HYAL4: variants seen among roughly 807,000 people sequenced by gnomAD.
HYAL4 encodes hyaluronidase-4.
A neutral mutation model predicts 35.2 loss-of-function variants in HYAL4; 37 were observed. The observed-to-expected ratio is 1.05, with a 90% CI of 0.81 to 1.38. HYAL4 has a LOEUF of 1.38. Among genes scored for constraint, HYAL4 ranks in the 40% most tolerant of loss-of-function variants. The probability of loss-of-function intolerance (pLI) is 0.00; values close to 1 mark genes in which losing one functional copy is unlikely to be tolerated. For missense variants in HYAL4, 572 were observed against 572.4 expected (o/e 1.00, Z 0.01); for synonymous variants, 198 against 203.2 (o/e 0.97, Z 0.22).
chr7:123,873,692 A>G (rs188127018), intron 3 of HYAL4, among the ~76,000 whole-genome samples: 1 of 152,360 alleles, frequency 6.6e-6, no homozygotes, highest in East Asian at 1.9e-4. Context: ...CCAACTACAT[A>G]CATTCAAATC....
At chr7:123,790,539 C>T in the HYAL4 span, 1 of 149,102 alleles carries the variant, frequency 6.7e-6, no homozygotes, top group African/African-American at 2.5e-5. Flanking sequence ...TGCAAAGTAC[C>T]TTTATGGATA....
At chr7:123,834,156 T>C (rs1233546473) in intron 1 of HYAL4, among the ~76,000 whole-genome samples, 3 of 152,138 alleles carry the variant, frequency 2.0e-5, no homozygotes, top group African/African-American at 4.8e-5. Flanking sequence ...TTGCATTGAA[T>C]TTGTAGATTG....
intron 1 of HYAL4, among the ~76,000 whole-genome samples, chr7:123,832,229 T>G (rs1282544257): frequency 6.6e-6 from 1 of 152,128 alleles, no homozygotes; most frequent in Non-Finnish European, 1.5e-5. Context: ...GAATTTCTCT[T>G]TCTAATGGAA....
the HYAL4 span, among the ~76,000 whole-genome samples, chr7:123,770,216 G>A: frequency 2.0e-5 from 3 of 152,050 alleles, no homozygotes; most frequent in South Asian, 4.2e-4. Flanking sequence ...TTGGGAGGCC[G>A]AGACAGGCGG....
the HYAL4 span, among the ~76,000 whole-genome samples, chr7:123,818,669 A>G: frequency 6.6e-6 from 1 of 152,210 alleles, no homozygotes; most frequent in East Asian, 1.9e-4. Flanking sequence ...TGCCTGGAAC[A>G]TTGTAAATAT....
At chr7:123,772,709 C>T in the HYAL4 span, among the ~76,000 whole-genome samples, 1 of 152,096 alleles carries the variant, frequency 6.6e-6, no homozygotes, top group East Asian at 1.9e-4. Context: ...GTAAATGAAA[C>T]CTGTGGAAAG....
chr7:123,774,918 A>G, the HYAL4 span, among the ~76,000 whole-genome samples: 2 of 152,184 alleles, frequency 1.3e-5, no homozygotes, highest in Non-Finnish European at 1.5e-5. Flanking sequence ...TGGGTTAGGT[A>G]TCTCTTCTAT....
chr7:123,765,942 T>C, the HYAL4 span, among the ~76,000 whole-genome samples: 1 of 152,218 alleles, frequency 6.6e-6, no homozygotes, highest in African/African-American at 2.4e-5. Flanking sequence ...TCATTTATTA[T>C]TGTTTTACTC....
chr7:123,835,636 C>T (rs998047539), intron 1 of HYAL4, among the ~76,000 whole-genome samples: 1 of 151,846 alleles, frequency 6.6e-6, no homozygotes, highest in South Asian at 2.1e-4. Context: ...CTGATTTGTT[C>T]TTATTTCTCT....
the HYAL4 span, among the ~76,000 whole-genome samples, chr7:123,784,401 G>A: frequency 6.6e-6 from 1 of 152,148 alleles, no homozygotes; most frequent in Non-Finnish European, 1.5e-5. Context: ...TGTGACATAA[G>A]CCTCACACTG....
the HYAL4 span, among the ~76,000 whole-genome samples, chr7:123,804,168 A>G: frequency 6.6e-6 from 1 of 152,240 alleles, no homozygotes; most frequent in South Asian, 2.1e-4. Flanking sequence ...GAATAAACAC[A>G]GTAGCAAATG....
chr7:123,843,315 T>C (rs1415475237), upstream of HYAL4, among the ~76,000 whole-genome samples: 1 of 152,096 alleles, frequency 6.6e-6, no homozygotes, highest in Non-Finnish European at 1.5e-5. Context: ...TTAAGAATGT[T>C]GAATATTGGC....
At chr7:123,808,374 A>G in the HYAL4 span, among the ~76,000 whole-genome samples, 1 of 151,064 alleles carries the variant, frequency 6.6e-6, no homozygotes, top group Non-Finnish European at 1.5e-5. Flanking sequence ...AAATGTGTAC[A>G]CACACACACA....
At chr7:123,813,160 G>C in the HYAL4 span, among the ~76,000 whole-genome samples, 1 of 151,988 alleles carries the variant, frequency 6.6e-6, no homozygotes, top group African/African-American at 2.4e-5. Flanking sequence ...AACAATGTAT[G>C]ATTCTTAAAA....
At chr7:123,820,129 G>A in the HYAL4 span, among the ~76,000 whole-genome samples, 1 of 151,820 alleles carries the variant, frequency 6.6e-6, no homozygotes, top group Non-Finnish European at 1.5e-5. Context: ...CTGGCCTTAA[G>A]CTATCTGCCC....
chr7:123,857,665 GTTTGTTTCTTTC>G lies in HYAL4; in HGVS notation c.-52+9511_-52+9522del, dbSNP rs1418509332. 3.4e-3 allele frequency among the ~76,000 whole-genome samples: 329 copies of G among 95,592 alleles called. 1 individual carries two copies. Among genetic ancestry groups the G allele is most frequent in the Non-Finnish European group, 3.7e-3 (156 of 42,468 alleles). The allele number at this position is 95,592 out of a possible 152,430, so 62.7% of individuals were successfully genotyped here. ...GCTGCCTTTCTTTGTTTCTTTCTTT[GTTTGTTTCTTTC>G]TTTCTTTCTTTCTTTCTTTCTTTCT... is the stretch of plus-strand genomic sequence containing the variant. On this transcript the variant is annotated intron_variant, in intron 2 of 4. Transcript: ENST00000223026.
At chr7:123,838,582 G>A (rs977465788) in intron 1 of HYAL4, among the ~76,000 whole-genome samples, 5 of 151,582 alleles carry the variant, frequency 3.3e-5, no homozygotes, top group African/African-American at 9.7e-5. Flanking sequence ...TTCCTTCATC[G>A]TAACTTTAGA....
At chr7:123,849,356 A>G (rs918964417) in intron 2 of HYAL4, among the ~76,000 whole-genome samples, 2 of 151,234 alleles carry the variant, frequency 1.3e-5, no homozygotes, top group Non-Finnish European at 2.9e-5. Context: ...GCTGGAGTGC[A>G]TCGGCGCGAT....
chr7:123,802,911 A>T, the HYAL4 span, among the ~76,000 whole-genome samples: 1 of 152,212 alleles, frequency 6.6e-6, no homozygotes, highest in East Asian at 1.9e-4. Context: ...ATCTGTCATG[A>T]CTGACCTTGC....
Sources: gnomAD v4.1 joint callset for allele counts (sites outside exome capture counted in the v4.1 genomes callset) on GRCh38, gnomAD v4.1.1 for gene constraint, MANE v1.5 for transcripts, NCBI Gene and HGNC (gene_info 2026-07-23, HGNC 2026-07-21) for gene names.